The following ZNF600 variants were observed in gnomAD, a reference collection of about 807,000 sequenced individuals.
ZNF600 encodes the protein zinc finger protein 600, also known as zinc finger protein KR-ZNF1.
Under a neutral mutation model 7.3 loss-of-function variants are expected in ZNF600, and 4 were observed. That is an observed-to-expected ratio of 0.55 (90% confidence interval 0.27 to 1.25). ZNF600 has a LOEUF of 1.25. Ranked by LOEUF, ZNF600 falls within the 50% of genes most tolerant of loss-of-function variation. The pLI, the probability that ZNF600 is intolerant of heterozygous loss-of-function variation, is 0.12. For synonymous variants in ZNF600, 290 were observed against 308.9 expected (o/e 0.94, Z 0.64); for missense variants, 911 against 922.1 (o/e 0.99, Z 0.16).
chr19:52,767,474 A>ATGTG lies in ZNF600; in HGVS notation c.485_488dup (p.Leu164ThrfsTer4), dbSNP rs2062596051. ...TCTGAATTATGTGGAGTTCAGGCAG[A>ATGTG]TGTGAATAAAAGCTTGATCCAAGCT... is the stretch of plus-strand genomic sequence containing the variant. On this transcript the variant is annotated frameshift_variant, in exon 4 of 4. Coordinates refer to ENST00000648973, the Ensembl canonical transcript of ZNF600. LOFTEE classifies it low-confidence loss of function (END_TRUNC). 1 of 1,614,166 alleles carries ATGTG rather than the reference A, an allele frequency of 6.2e-7. No homozygotes were observed. The highest frequency in any genetic ancestry group is 2.2e-5 in the East Asian group (1 of 44,876).
At chr19:52,798,263 G>T in the ZNF600 span, 2 of 184,570 alleles carry the variant, frequency 1.1e-5, no homozygotes, top group Non-Finnish European at 2.3e-5. Flanking sequence ...GCCTCTCAAA[G>T]TGCTGGCATT....
the ZNF600 span, among the ~76,000 whole-genome samples, chr19:52,806,495 G>A: frequency 6.6e-6 from 1 of 151,918 alleles, no homozygotes; most frequent in African/African-American, 2.4e-5. Context: ...CACACGTCCA[G>A]GTTATGGTAA....
chr19:52,799,906 T>A, the ZNF600 span: 1 of 1,613,970 alleles, frequency 6.2e-7, no homozygotes, highest in South Asian at 1.1e-5. Flanking sequence ...AGGGATGACA[T>A]CTGACTGAAG....
the ZNF600 span, among the ~76,000 whole-genome samples, chr19:52,812,508 G>C: frequency 8.1e-6 from 1 of 123,580 alleles, no homozygotes; most frequent in Non-Finnish European, 1.7e-5. Flanking sequence ...TGTCCACTCA[G>C]GGTTAAATGG....
intron 3 of ZNF600, among the ~76,000 whole-genome samples, chr19:52,773,933 G>A (rs1466554560): frequency 6.6e-6 from 1 of 151,008 alleles, no homozygotes. Context: ...GGCCAGGCTG[G>A]TCTTGAACTC....
the ZNF600 span, among the ~76,000 whole-genome samples, chr19:52,831,290 A>G: frequency 1.3e-5 from 2 of 151,992 alleles, no homozygotes; most frequent in African/African-American, 4.8e-5. Context: ...TAACAATCAT[A>G]ATAATAATGA....
chr19:52,788,839 T>C (rs371454513), upstream of ZNF600, among the ~76,000 whole-genome samples: 6 of 152,280 alleles, frequency 3.9e-5, no homozygotes, highest in South Asian at 2.1e-4. Flanking sequence ...GTGGGTCCCA[T>C]ACTGTGATAA....
chr19:52,769,094 A>C (rs1397633567), intron 3 of ZNF600, among the ~76,000 whole-genome samples: 1 of 152,120 alleles, frequency 6.6e-6, no homozygotes, highest in African/African-American at 2.4e-5. Flanking sequence ...GCCCGTTGCC[A>C]AGCGGACCAT....
the ZNF600 span, among the ~76,000 whole-genome samples, chr19:52,807,377 A>G: frequency 6.6e-6 from 1 of 152,214 alleles, no homozygotes; most frequent in Admixed American, 6.5e-5. Context: ...AATATGTAGT[A>G]TGTGGACATC....
chr19:52,773,172 G>A (rs1450701792), intron 3 of ZNF600, among the ~76,000 whole-genome samples: 6 of 152,160 alleles, frequency 3.9e-5, no homozygotes, highest in Non-Finnish European at 8.8e-5. Context: ...GGAAGTAATG[G>A]GCATGTAGGA....
At chr19:52,800,478 C>T in the ZNF600 span, 29 of 1,613,270 alleles carry the variant, frequency 1.8e-5, no homozygotes, top group East Asian at 2.2e-5. Flanking sequence ...TCTATGATGG[C>T]GTGCAAGAGT....
the ZNF600 span, among the ~76,000 whole-genome samples, chr19:52,816,460 T>C: frequency 0.6 from 86,335 of 144,204 alleles, 30,132 homozygotes; most frequent in Non-Finnish European, 0.72. Flanking sequence ...GTCAGGAGAT[T>C]GAGACCATCC....
At chr19:52,783,356 T>C (rs912767445) in intron 1 of ZNF600, among the ~76,000 whole-genome samples, 4 of 152,142 alleles carry the variant, frequency 2.6e-5, no homozygotes, top group African/African-American at 7.2e-5. Context: ...CCCTCCATCA[T>C]TCCTTTTTTT....
At position 52,766,094 on chromosome 19, in the gene ZNF600, G is replaced by T; in HGVS notation, c.1869C>A (p.Tyr623Ter). ...AGGTCTTGCCACACTCATTACACTT[G>T]TAAGGTTTCTCACCACTATGAAGTC... Residue 623 changes from tyrosine to a stop codon, truncating the protein, a stop_gained, in exon 4 of 4, where the codon TAC becomes TAA. Coordinates refer to ENST00000648973, the Ensembl canonical transcript of ZNF600. LOFTEE classifies it low-confidence loss of function (END_TRUNC). 6.2e-7 allele frequency: 1 copy of T among 1,614,196 alleles called. No individual in the cohort carries two copies. The highest frequency in any genetic ancestry group is 8.5e-7 in the Non-Finnish European group (1 of 1,180,038).
chr19:52,767,016 T>C (rs1304917731), exon 4 of ZNF600: 2 of 1,614,156 alleles, frequency 1.2e-6, no homozygotes, highest in Non-Finnish European at 8.5e-7. Context: ...CTCATTACAC[T>C]TGTGAGATTT....
chr19:52,800,321 T>A, the ZNF600 span: 6 of 1,613,944 alleles, frequency 3.7e-6, no homozygotes, highest in South Asian at 5.5e-5. Context: ...CTGTAAGGCA[T>A]GAATCACTCC....
exon 4 of ZNF600, chr19:52,766,891 G>A: frequency 6.2e-7 from 1 of 1,614,116 alleles, no homozygotes; most frequent in East Asian, 2.2e-5. Context: ...TGACGTGCAA[G>A]GTTTGATTGC....
chr19:52,825,812 T>G, the ZNF600 span, among the ~76,000 whole-genome samples: 1 of 151,764 alleles, frequency 6.6e-6, no homozygotes, highest in Non-Finnish European at 1.5e-5. Flanking sequence ...ATGGTGAAAC[T>G]CCATCTCTAT....
chr19:52,813,249 G>GAAAAAGAAA, the ZNF600 span, among the ~76,000 whole-genome samples: 4 of 62,988 alleles, frequency 6.4e-5, no homozygotes, highest in African/African-American at 2.4e-4. Context: ...CTTGAATGGT[G>GAAAAAGAAA]AAAAAAAAAA....
Sources: allele counts gnomAD v4.1 joint callset (sites outside exome capture counted in the v4.1 genomes callset), GRCh38; gene constraint gnomAD v4.1.1; transcripts MANE v1.5; gene names NCBI Gene and HGNC (gene_info 2026-07-23, HGNC 2026-07-21).